Variants in UGT1A10 observed in about 807,000 individuals in gnomAD.
UGT1A10 encodes the protein UDP-glucuronosyltransferase 1A10.
Under a neutral mutation model 45.8 loss-of-function variants are expected in UGT1A10, and 49 were observed. The ratio of observed to expected loss-of-function variants is 1.07; its 90% CI spans 0.85 to 1.36. UGT1A10 has a LOEUF of 1.36. UGT1A10 is among the 40% of genes most tolerant of loss of function. The pLI, the probability that UGT1A10 is intolerant of heterozygous loss-of-function variation, is 0.00. For missense variants in UGT1A10, 745 were observed against 668.6 expected, an observed-to-expected ratio of 1.11 and a Z score of -1.26; for synonymous variants, 284 against 249.7, an observed-to-expected ratio of 1.14 and a Z score of -1.29.
At chr2:233,718,781 G>T (rs767988524) in intron 1 of UGT1A10, 21 of 1,613,022 alleles carry the variant, frequency 1.3e-5, no homozygotes, top group Non-Finnish European at 1.7e-5. Context: ...AGCAGGCACA[G>T]CGTGGGGTGG....
intron 1 of UGT1A10, among the ~76,000 whole-genome samples, chr2:233,676,892 G>T (rs1052192077): frequency 1.3e-5 from 2 of 152,094 alleles, no homozygotes; most frequent in Non-Finnish European, 1.5e-5. Flanking sequence ...TCATACATCT[G>T]TGCACGTATT....
At chr2:233,695,565 C>A (rs189186940) in intron 1 of UGT1A10, among the ~76,000 whole-genome samples, 60 of 151,312 alleles carry the variant, frequency 4.0e-4, no homozygotes, top group African/African-American at 1.4e-3. Flanking sequence ...ACCATTTTCA[C>A]CCCCCCTTCC....
chr2:233,725,862 C>A (rs1291459047), intron 1 of UGT1A10, among the ~76,000 whole-genome samples: 1 of 152,150 alleles, frequency 6.6e-6, no homozygotes, highest in African/African-American at 2.4e-5. Context: ...TTCCCCATCT[C>A]TTTTAATTTG....
intron 1 of UGT1A10, among the ~76,000 whole-genome samples, chr2:233,642,418 T>C (rs2073475695): frequency 6.6e-6 from 1 of 152,368 alleles, no homozygotes; most frequent in South Asian, 2.1e-4. Flanking sequence ...GAATTCCTCC[T>C]CTGTGTTATT....
chr2:233,694,052 C>T (rs1175368411), intron 1 of UGT1A10, among the ~76,000 whole-genome samples: 2 of 152,128 alleles, frequency 1.3e-5, no homozygotes, highest in African/African-American at 2.4e-5. Flanking sequence ...CAGAGGCATT[C>T]GGATGAAGAC....
At chr2:233,707,786 G>T (rs2075987501) in intron 1 of UGT1A10, among the ~76,000 whole-genome samples, 1 of 152,134 alleles carries the variant, frequency 6.6e-6, no homozygotes. Flanking sequence ...TATATACCTA[G>T]GGGTGGAGCT....
intron 1 of UGT1A10, among the ~76,000 whole-genome samples, chr2:233,730,402 A>G (rs1395963298): frequency 2.6e-5 from 4 of 152,200 alleles, no homozygotes; most frequent in Non-Finnish European, 1.5e-5. Flanking sequence ...AGTAAATTAC[A>G]ATTGTTGACA....
At position 233,719,178 on chromosome 2, in the gene UGT1A10, G is replaced by A. The variant is rs749190317; in HGVS notation, c.856-47856G>A. On this transcript the variant is annotated intron_variant, in intron 1 of 4. Transcript: ENST00000344644. ...TAGAAGTATGGCAATTATGAACAAT[G>A]TATCTTTGGCCCTTCATAGGTGTTG... The A allele has an allele frequency of 1.7e-5, 27 of 1,614,094 alleles. No homozygotes were observed. The highest frequency in any genetic ancestry group is 1.6e-4 in the Middle Eastern group (1 of 6,084).
At chr2:233,692,097 C>T (rs527331361) in intron 1 of UGT1A10, 1 of 152,210 alleles carries the variant, frequency 6.6e-6, no homozygotes, top group African/African-American at 2.4e-5. Flanking sequence ...ATTTGATCAC[C>T]GATGGGCAAC....
At chr2:233,749,248 AT>A (rs1216234192) in intron 1 of UGT1A10, among the ~76,000 whole-genome samples, 1 of 151,808 alleles carries the variant, frequency 6.6e-6, no homozygotes, top group Admixed American at 6.6e-5. Flanking sequence ...AAACCACATG[AT>A]TTTTTTATTG....
At chr2:233,649,491 A>G (rs1337683333) in intron 1 of UGT1A10, among the ~76,000 whole-genome samples, 1 of 152,262 alleles carries the variant, frequency 6.6e-6, no homozygotes, top group African/African-American at 2.4e-5. Flanking sequence ...ATCTGTTGAA[A>G]TTATATATAA....
intron 1 of UGT1A10, among the ~76,000 whole-genome samples, chr2:233,737,497 A>G (rs1575619064): frequency 6.6e-6 from 1 of 152,008 alleles, no homozygotes. Context: ...GAAATCCCTC[A>G]CCCTCTTGCA....
chr2:233,672,103 G>T, intron 1 of UGT1A10: 2 of 1,614,178 alleles, frequency 1.2e-6, no homozygotes, highest in Non-Finnish European at 1.7e-6. Flanking sequence ...TGAGGTGGTT[G>T]TAGTCATGCC....
At chr2:233,743,741 G>T (rs374389189) in intron 1 of UGT1A10, 6 of 1,367,230 alleles carry the variant, frequency 4.4e-6, no homozygotes, top group Non-Finnish European at 4.9e-6. Flanking sequence ...GCGTTTCTTG[G>T]CGTCCGACAA....
At chr2:233,734,917 G>A (rs965822132) in intron 1 of UGT1A10, among the ~76,000 whole-genome samples, 3 of 152,162 alleles carry the variant, frequency 2.0e-5, no homozygotes, top group Non-Finnish European at 4.4e-5. Context: ...ATTTGCTAAG[G>A]AGTGCTTTAC....
intron 1 of UGT1A10, among the ~76,000 whole-genome samples, chr2:233,651,864 T>G (rs1231596821): frequency 6.6e-6 from 1 of 152,200 alleles, no homozygotes; most frequent in Non-Finnish European, 1.5e-5. Context: ...ATAGGGGTTT[T>G]TCCTGAAGGT....
chr2:233,648,328 G>T, intron 1 of UGT1A10: 2 of 508,728 alleles, frequency 3.9e-6, no homozygotes, highest in South Asian at 1.9e-5. Context: ...CCTCCTCTCG[G>T]TGGTCTTCGC....
chr2:233,698,592 A>T (rs1559349856), intron 1 of UGT1A10, among the ~76,000 whole-genome samples: 1 of 152,200 alleles, frequency 6.6e-6, no homozygotes, highest in Non-Finnish European at 1.5e-5. Flanking sequence ...TAATCCAAGA[A>T]ATTCGGATTA....
At chr2:233,676,959 C>T (rs1260270998) in intron 1 of UGT1A10, among the ~76,000 whole-genome samples, 2 of 151,932 alleles carry the variant, frequency 1.3e-5, no homozygotes, top group African/African-American at 4.8e-5. Flanking sequence ...ATTACTATAG[C>T]TGTGTAATAA....
Sources: gnomAD v4.1 joint callset for allele counts (sites outside exome capture counted in the v4.1 genomes callset) on GRCh38, gnomAD v4.1.1 for gene constraint, MANE v1.5 for transcripts, NCBI Gene and HGNC (gene_info 2026-07-23, HGNC 2026-07-21) for gene names.